Variants in CDH8 observed in about 807,000 individuals in gnomAD.
CDH8 encodes cadherin 8, also known as cadherin-8.
In CDH8, 17 loss-of-function variants were observed where a neutral mutation model predicts 68.1. That is an observed-to-expected ratio of 0.25 (90% CI 0.17 to 0.37). The LOEUF (loss-of-function observed/expected upper bound fraction) is 0.37. Among genes scored for constraint, CDH8 ranks in the 10% least tolerant of loss-of-function variants. CDH8 has a pLI of 1.00. For synonymous variants in CDH8, 372 were observed against 365.1 expected (o/e 1.02, Z -0.21); for missense variants, 763 against 999.3 (o/e 0.76, Z 3.19).
intron 10 of CDH8, among the ~76,000 whole-genome samples, chr16:61,669,485 A>G (rs1311984258): frequency 6.6e-6 from 1 of 152,104 alleles, no homozygotes; most frequent in East Asian, 1.9e-4. Flanking sequence ...GTCACTATAA[A>G]GAAATCTCTA....
chr16:61,929,690 C>T (rs1037530137), intron 2 of CDH8, among the ~76,000 whole-genome samples: 1 of 151,992 alleles, frequency 6.6e-6, no homozygotes, highest in Non-Finnish European at 1.5e-5. Context: ...AGTTGGAGAC[C>T]AGCCTGGGCA....
chr16:62,003,823 C>T (rs375893566), intron 2 of CDH8, among the ~76,000 whole-genome samples: 2 of 152,286 alleles, frequency 1.3e-5, no homozygotes, highest in African/African-American at 4.8e-5. Flanking sequence ...TTTTATTCTA[C>T]TTTTTCTTCT....
Position 61,706,620 on chromosome 16 carries a change from C to CAAAAAAAAAAAAAAAA in CDH8, c.1654+7205_1654+7220dup, listed in dbSNP as rs781148249. The stretch of plus-strand genomic sequence containing the variant: ...TGGGCACCAGAGCAAGACTCTGTCT[C>CAAAAAAAAAAAAAAAA]AAAAAAAAAAAAAAAAAAAAAAAAG... On this transcript the variant is annotated intron_variant, in intron 10 of 11. Coordinates refer to ENST00000577390, the MANE Select transcript of CDH8 (RefSeq NM_001796.5). Among the ~76,000 whole-genome samples, 190 of 60,376 alleles carry CAAAAAAAAAAAAAAAA rather than the reference C, an allele frequency of 3.1e-3. 10 individuals carry two copies. The highest frequency in any genetic ancestry group is 7.3e-3 in the African/African-American group (105 of 14,326). 39.6% of individuals were successfully genotyped at this position (60,376 alleles called of 152,430 possible).
At chr16:61,843,557 T>C (rs967860973) in intron 4 of CDH8, among the ~76,000 whole-genome samples, 25 of 152,226 alleles carry the variant, frequency 1.6e-4, no homozygotes, top group African/African-American at 5.8e-4. Flanking sequence ...ATTCAGAACT[T>C]TACATACCAA....
intron 2 of CDH8, among the ~76,000 whole-genome samples, chr16:62,008,737 T>TA (rs1419396946): frequency 6.6e-6 from 1 of 152,100 alleles, no homozygotes. Flanking sequence ...TTCTTTACAG[T>TA]AAGAGTTTAA....
chr16:62,020,498 GCACACA>G (rs3072068), intron 2 of CDH8, among the ~76,000 whole-genome samples: 22,201 of 149,574 alleles, frequency 0.15, 1,735 homozygotes, highest in African/African-American at 0.19. Flanking sequence ...ACGCGCGCGC[GCACACA>G]CACACACACA....
rs1902078749 is a variant in CDH8 at position 62,021,637 on chromosome 16, A to T, written c.-199-35T>A. The T allele has an allele frequency of 4.2e-6, 5 of 1,187,278 alleles. No homozygotes were observed. In the Admixed American group the frequency reaches 1.1e-4, roughly 27 times the overall value. The allele number at this position is 1,187,278 out of a possible 1,614,324, so 73.5% of individuals were successfully genotyped here. A position where few individuals can be genotyped will look rare whatever the true frequency, so the allele number is the denominator to read the frequency against. On this transcript the variant is annotated intron_variant, in intron 1 of 11. Transcript: ENST00000577390. ...CAAGGAGGAAGAAAGATAAGGGTCTACTCAAACTGGTTTTAAAATAAAATC... is the reference window on the plus strand; with the variant it reads ...CAAGGAGGAAGAAAGATAAGGGTCTTCTCAAACTGGTTTTAAAATAAAATC...
rs373477288 is a variant in CDH8 at position 61,653,128 on chromosome 16, G to A, written c.*480C>T. On this transcript the variant is annotated 3_prime_UTR_variant, in exon 12 of 12. Coordinates refer to ENST00000577390, the MANE Select transcript of CDH8 (RefSeq NM_001796.5). ...CTCCAAAAAGTTATAATGTACAGCA[G>A]ACCAAGTATTGCTTTATCATTTGTG... is the stretch of plus-strand genomic sequence containing the variant. 23 of 1,244,480 alleles carry A rather than the reference G, an allele frequency of 1.8e-5. No individual in the cohort carries two copies. The Admixed American group carries it at 7.4e-4, about 40-fold the overall frequency. 77.1% of individuals were successfully genotyped at this position (1,244,480 alleles called of 1,614,324 possible).
At chr16:61,675,630 A>AAAAAT (rs60746846) in intron 10 of CDH8, among the ~76,000 whole-genome samples, 85,616 of 148,304 alleles carry the variant, frequency 0.58, 25,603 homozygotes, top group African/African-American at 0.72. Flanking sequence ...AAAAAAATAA[A>AAAAAT]AAAAAATAAA....
In CDH8 at chr16:61,649,269, C is replaced by T. The variant is rs1310163165; in HGVS notation, c.*4339G>A. On this transcript the variant is annotated 3_prime_UTR_variant, in exon 12 of 12. Transcript: ENST00000577390. The stretch of plus-strand genomic sequence containing the variant: ...AAAAGCTGCTTTTAAAACCCTTTAC[C>T]CTCAATTCAACTTCTTTCAAATTCA... The T allele has an allele frequency of 6.6e-6, 1 of 151,680 alleles. No homozygotes were observed. Among genetic ancestry groups the T allele is most frequent in the Non-Finnish European group, 1.5e-5 (1 of 67,890 alleles). The allele number at this position is 151,680 out of a possible 1,614,324, so 9.4% of individuals were successfully genotyped here.
At chr16:61,889,315 A>T (rs1303160934) in intron 3 of CDH8, among the ~76,000 whole-genome samples, 1 of 152,198 alleles carries the variant, frequency 6.6e-6, no homozygotes, top group Non-Finnish European at 1.5e-5. Context: ...GAATAAGTGC[A>T]TTTGGGTCTA....
At chr16:61,979,061 A>T (rs1214876141) in intron 2 of CDH8, among the ~76,000 whole-genome samples, 1 of 152,088 alleles carries the variant, frequency 6.6e-6, no homozygotes, top group Non-Finnish European at 1.5e-5. Flanking sequence ...GAAAGAAAAA[A>T]AAAAAAAGCA....
rs1438743696 is a variant in CDH8, at chr16:62,021,310, T to G, written c.94A>C (p.Met32Leu). The G allele has an allele frequency of 2.5e-6, 4 of 1,614,038 alleles. No individual in the cohort carries two copies. Among genetic ancestry groups the G allele is most frequent in the Non-Finnish European group, 3.4e-6 (4 of 1,179,954 alleles). ...CTCATTAAAACTTGAGACTGATTCA[T>G]CGGAGCCATGTAAATGCAAGGGGGA... ...TLPPCIYMAP[M>L]NQSQVLMSGS... is the part of the protein sequence containing the mutation. The change falls in exon 2 of 12, where the codon ATG (methionine) becomes CTG (leucine). Residue 32 changes from methionine to leucine, a missense_variant. By Grantham distance (15) the Met-to-Leu change is conservative (BLOSUM62 2). This residue lies in a region of CDH8 where 366 missense variants were observed against 563.1 expected (regional missense o/e 0.65). Transcript: ENST00000577390.
At chr16:61,799,917 A>G (rs1961581277) in intron 7 of CDH8, among the ~76,000 whole-genome samples, 1 of 152,090 alleles carries the variant, frequency 6.6e-6, no homozygotes, top group Non-Finnish European at 1.5e-5. Flanking sequence ...CCCCCCCCCA[A>G]AGACAAGGTC....
intron 10 of CDH8, among the ~76,000 whole-genome samples, chr16:61,675,701 T>C (rs1963893844): frequency 6.6e-6 from 1 of 151,498 alleles, no homozygotes; most frequent in Non-Finnish European, 1.5e-5. Flanking sequence ...TTAAAATAAC[T>C]CAATTATGAC....
At chr16:61,964,534 A>ATT (rs35337966) in intron 2 of CDH8, among the ~76,000 whole-genome samples, 47 of 148,856 alleles carry the variant, frequency 3.2e-4, no homozygotes, top group East Asian at 4.0e-4. Flanking sequence ...AAGCTGAGAG[A>ATT]TTTTTTTTTT....
chr16:61,899,494 A>G (rs1963929497), intron 3 of CDH8, among the ~76,000 whole-genome samples: 2 of 152,246 alleles, frequency 1.3e-5, no homozygotes, highest in Middle Eastern at 3.4e-3. Context: ...AGAGAAAAGG[A>G]AACGGCAAGG....
At chr16:61,660,274 A>G (rs4360928) in intron 10 of CDH8, among the ~76,000 whole-genome samples, 20,726 of 152,120 alleles carry the variant, frequency 0.14, 1,638 homozygotes, top group African/African-American at 0.2. Context: ...GACCCACAGC[A>G]GAAAAACAGC....
At chr16:61,879,165 C>A (rs2143110372) in intron 3 of CDH8, among the ~76,000 whole-genome samples, 1 of 152,224 alleles carries the variant, frequency 6.6e-6, no homozygotes, top group East Asian at 1.9e-4. Context: ...TTCCATTATG[C>A]TCTTACCTCT....
Sources: gnomAD v4.1 joint callset for allele counts (sites outside exome capture counted in the v4.1 genomes callset) on GRCh38, gnomAD v4.1.1 for gene constraint, gnomAD v4.1.1 regional missense constraint, MANE v1.5 for transcripts, NCBI Gene and HGNC (gene_info 2026-07-23, HGNC 2026-07-21) for gene names.